CDH2: variants seen among roughly 807,000 people sequenced by gnomAD.
The protein encoded by CDH2 is cadherin 2, also known as cadherin-2.
In CDH2, 17 loss-of-function variants were observed where a neutral mutation model predicts 92.0. That is an observed-to-expected ratio of 0.18 (90% CI 0.13 to 0.28). CDH2 has a LOEUF of 0.28. Among genes scored for constraint, CDH2 ranks in the 10% least tolerant of loss-of-function variants. The pLI is 1.00. For synonymous variants in CDH2, 419 were observed against 415.9 expected (o/e 1.01, Z -0.09); for missense variants, 862 against 1,133.1 (o/e 0.76, Z 3.44).
intron 2 of CDH2, among the ~76,000 whole-genome samples, chr18:28,056,433 T>G (rs1599067089): frequency 6.6e-6 from 1 of 152,130 alleles, no homozygotes; most frequent in Non-Finnish European, 1.5e-5. Context: ...AAACAAAGAT[T>G]CTATGTTTTA....
At chr18:28,083,448 T>C (rs2014868476) in intron 2 of CDH2, among the ~76,000 whole-genome samples, 1 of 152,142 alleles carries the variant, frequency 6.6e-6, no homozygotes, top group African/African-American at 2.4e-5. Flanking sequence ...GTTTTAAAAA[T>C]CTTTGAAGTA....
chr18:27,940,179 A>G (rs1360583043), intron 6 of CDH2, among the ~76,000 whole-genome samples: 3 of 152,322 alleles, frequency 2.0e-5, no homozygotes, highest in Admixed American at 6.5e-5. Flanking sequence ...CAATCTCAGT[A>G]TGCTTCCTTT....
rs1390287676 is a variant in CDH2 at position 28,177,079 on chromosome 18, G to T, written c.-57C>A. 4 of 1,334,950 alleles carry T rather than the reference G, an allele frequency of 3.0e-6. No individual in the cohort carries two copies. In the South Asian group the frequency reaches 4.0e-5, roughly 13 times the overall value. The allele number at this position is 1,334,950 out of a possible 1,614,324, so 82.7% of individuals were successfully genotyped here. On this transcript the variant is annotated 5_prime_UTR_variant, in exon 1 of 16. Coordinates refer to ENST00000269141, the MANE Select transcript of CDH2 (RefSeq NM_001792.5). ...AGGAGGCGGCGGCGGCGGCGGCGGC[G>T]GCGGAGGAGGAGGAGGCAGCGGCAG...
intron 11 of CDH2, 140 bp downstream of exon 11, chr18:27,988,384 G>T (rs2012301872): frequency 4.4e-6 from 3 of 676,344 alleles, no homozygotes; most frequent in Admixed American, 5.8e-5. Flanking sequence ...TGTCTGAAAT[G>T]ATAAATAAAA....
At chr18:28,171,592 A>G (rs1275549393) in intron 1 of CDH2, among the ~76,000 whole-genome samples, 1 of 152,148 alleles carries the variant, frequency 6.6e-6, no homozygotes, top group African/African-American at 2.4e-5. Context: ...ATGACTTTAA[A>G]CCTATCACGA....
At chr18:28,076,729 CCCTT>C (rs1227011693) in intron 2 of CDH2, among the ~76,000 whole-genome samples, 1 of 140,662 alleles carries the variant, frequency 7.1e-6, no homozygotes, top group African/African-American at 2.6e-5. Context: ...TGTGATGTTC[CCCTT>C]CCTGTGTCCA....
rs1300954711 is a variant in CDH2 at position 27,972,578 on chromosome 18, T to C, written c.2350-9057A>G. On this transcript the variant is annotated intron_variant, in intron 14 of 15. Coordinates refer to ENST00000269141, the MANE Select transcript of CDH2 (RefSeq NM_001792.5). Reference sequence around the variant, plus strand: ...ATGCAACAATGCTAGCATTTATGAATGCTATCATCATTTCCTGAAGACATC... The same window carrying C: ...ATGCAACAATGCTAGCATTTATGAACGCTATCATCATTTCCTGAAGACATC... Among the ~76,000 whole-genome samples the C allele has an allele frequency of 2.6e-5, 4 of 152,226 alleles. No homozygotes were observed. The South Asian group carries it at 6.2e-4, about 24-fold the overall frequency.
intron 2 of CDH2, among the ~76,000 whole-genome samples, chr18:28,102,031 T>C (rs2015235155): frequency 6.6e-6 from 1 of 152,114 alleles, no homozygotes; most frequent in Admixed American, 6.6e-5. Flanking sequence ...CATGTTCCTA[T>C]TTCCCACAGC....
chr18:27,948,800 T>C (rs1277576463), downstream of CDH2, among the ~76,000 whole-genome samples: 1 of 151,958 alleles, frequency 6.6e-6, no homozygotes, highest in Non-Finnish European at 1.5e-5. Flanking sequence ...TGAGTGTAAA[T>C]ATATTTTTGT....
rs150295683 is a variant in CDH2 at position 27,993,772 on chromosome 18, C to T, written c.1021-135G>A. On this transcript the variant is annotated intron_variant, in intron 7 of 15. Transcript: ENST00000269141. ...TTCTGATTAACATGACTTGAAATTT[C>T]GCAAGTGGAGTTTCCTTTAACTTAT... The T allele has an allele frequency of 1.1e-3, 733 of 681,896 alleles. 7 individuals are homozygous for T. The African/African-American group carries it at 0.012, about 11-fold the overall frequency. The allele number at this position is 681,896 out of a possible 1,614,324, so 42.2% of individuals were successfully genotyped here. A position where few individuals can be genotyped will look rare whatever the true frequency, so the allele number is the denominator to read the frequency against.
chr18:27,952,167 C>T lies in CDH2; in HGVS notation c.2707G>A (p.Gly903Arg). ...RFKKLADMYG[G>R]GDD Reference sequence around the variant, plus strand: ...CACCCTGAAGTTCAGTCATCACCTCCACCATACATGTCAGCAAGTTTCTTG... The same window carrying T: ...CACCCTGAAGTTCAGTCATCACCTCTACCATACATGTCAGCAAGTTTCTTG... The change falls in exon 16 of 16, where the codon GGA (glycine) becomes AGA (arginine). Residue 903 changes from glycine to arginine, a missense_variant. By Grantham distance (125) the Gly-to-Arg change is moderately radical. Around this residue, in one of 5 missense-constraint regions of CDH2, gnomAD observed 114 missense variants for 144.8 expected, o/e 0.79. Coordinates refer to ENST00000269141, the MANE Select transcript of CDH2 (RefSeq NM_001792.5). The T allele has an allele frequency of 6.2e-7, 1 of 1,613,438 alleles. No homozygotes were observed. The highest frequency in any genetic ancestry group is 1.1e-5 in the South Asian group (1 of 91,074).
chr18:27,943,916 C>T (rs761604509), intron 6 of CDH2, among the ~76,000 whole-genome samples: 7 of 152,002 alleles, frequency 4.6e-5, no homozygotes, highest in Non-Finnish European at 8.8e-5. Flanking sequence ...ACTAGGTATT[C>T]CAGGTGAAAA....
At chr18:28,108,035 G>A (rs1343278185) in intron 2 of CDH2, among the ~76,000 whole-genome samples, 1 of 151,980 alleles carries the variant, frequency 6.6e-6, no homozygotes, top group Non-Finnish European at 1.5e-5. Context: ...CAATTATCTG[G>A]CGAACAGTTT....
At chr18:28,134,043 C>T (rs1205709031) in intron 2 of CDH2, among the ~76,000 whole-genome samples, 1 of 150,586 alleles carries the variant, frequency 6.6e-6, no homozygotes, top group Non-Finnish European at 1.5e-5. Context: ...CGCCTATAGT[C>T]CCAGCTACTC....
At chr18:28,014,364 A>T (rs1374131243) in intron 2 of CDH2, among the ~76,000 whole-genome samples, 1 of 152,140 alleles carries the variant, frequency 6.6e-6, no homozygotes, top group Non-Finnish European at 1.5e-5. Context: ...TGCTTGGAAG[A>T]GGCAGTTTGG....
intron 2 of CDH2, among the ~76,000 whole-genome samples, chr18:28,036,969 A>G (rs1181415058): frequency 6.6e-6 from 1 of 152,164 alleles, no homozygotes; most frequent in Non-Finnish European, 1.5e-5. Context: ...GTCATTTAGC[A>G]ATCTGTTCAG....
intron 2 of CDH2, among the ~76,000 whole-genome samples, chr18:28,111,246 C>A (rs2015407496): frequency 6.6e-6 from 1 of 152,224 alleles, no homozygotes. Context: ...GCCTTCTCCT[C>A]TGTCCCGGAG....
At chr18:27,968,678 T>C (rs896782956) in intron 14 of CDH2, among the ~76,000 whole-genome samples, 3 of 152,222 alleles carry the variant, frequency 2.0e-5, no homozygotes, top group African/African-American at 4.8e-5. Context: ...CTCTTAGGCA[T>C]GGGCTGGTTC....
intron 2 of CDH2, among the ~76,000 whole-genome samples, chr18:28,122,880 C>T (rs1467653175): frequency 6.6e-6 from 1 of 152,058 alleles, no homozygotes; most frequent in African/African-American, 2.4e-5. Flanking sequence ...ATTTAACAGT[C>T]ATGTATTAAA....
Sources: allele counts gnomAD v4.1 joint callset (sites outside exome capture counted in the v4.1 genomes callset), GRCh38; gene constraint gnomAD v4.1.1; regional missense constraint gnomAD v4.1.1; transcripts MANE v1.5; gene names NCBI Gene and HGNC (gene_info 2026-07-23, HGNC 2026-07-21).